PIP5K1C: variants seen among roughly 807,000 people sequenced by gnomAD.
PIP5K1C encodes the protein phosphatidylinositol 4-phosphate 5-kinase type-1 gamma.
Under a neutral mutation model 80.1 loss-of-function variants are expected in PIP5K1C, and 45 were observed. The observed-to-expected ratio is 0.56, with a 90% CI of 0.44 to 0.72. The LOEUF (loss-of-function observed/expected upper bound fraction) is 0.72, where lower values mean the gene tolerates loss of function less well. PIP5K1C is among the 30% of genes least tolerant of loss of function. The probability of loss-of-function intolerance (pLI) is 0.00; values close to 1 mark genes in which losing one functional copy is unlikely to be tolerated. For missense variants in PIP5K1C, 753 were observed against 954.6 expected (o/e 0.79, Z 2.78); for synonymous variants, 498 against 420.1 (o/e 1.19, Z -2.27).
At chr19:3,679,694 T>A (rs1326545124) in intron 1 of PIP5K1C, among the ~76,000 whole-genome samples, 1 of 152,092 alleles carries the variant, frequency 6.6e-6, no homozygotes, top group Non-Finnish European at 1.5e-5. Flanking sequence ...GGACCTGGGC[T>A]CAGGCACACA....
intron 1 of PIP5K1C, among the ~76,000 whole-genome samples, chr19:3,693,480 C>T (rs1011833693): frequency 1.3e-5 from 2 of 152,314 alleles, no homozygotes; most frequent in Middle Eastern, 3.4e-3. Flanking sequence ...GGCACCACCA[C>T]GGGCCCCGTC....
chr19:3,695,045 C>T (rs1466141763), intron 1 of PIP5K1C, among the ~76,000 whole-genome samples: 2 of 152,266 alleles, frequency 1.3e-5, no homozygotes, highest in African/African-American at 2.4e-5. Context: ...GCCAATAAAA[C>T]TTTGTTGACA....
intron 1 of PIP5K1C, among the ~76,000 whole-genome samples, chr19:3,676,191 G>A (rs921174755): frequency 2.0e-5 from 3 of 152,172 alleles, no homozygotes; most frequent in African/African-American, 4.8e-5. Flanking sequence ...GGCATGGTAG[G>A]CAATGGGGTC....
intron 11 of PIP5K1C, 84 bp from the exon 12 acceptor site, chr19:3,644,335 C>T: frequency 7.2e-7 from 1 of 1,392,960 alleles, no homozygotes; most frequent in South Asian, 1.2e-5. Context: ...CACATATACC[C>T]CACGTCCCTG....
chr19:3,659,930 G>T (rs1299293437), intron 5 of PIP5K1C, among the ~76,000 whole-genome samples: 1 of 152,228 alleles, frequency 6.6e-6, no homozygotes, highest in African/African-American at 2.4e-5. Flanking sequence ...CCGTGCTGTC[G>T]TGACAACCAG....
chr19:3,633,123 GAGC>G lies in PIP5K1C; in HGVS notation c.*41_*43del. 1.3e-6 allele frequency: 1 copy of G among 750,162 alleles called. No homozygotes were observed. The highest frequency in any genetic ancestry group is 2.5e-6 in the Non-Finnish European group (1 of 403,810). The allele number at this position is 750,162 out of a possible 1,614,324, so 46.5% of individuals were successfully genotyped here. On this transcript the variant is annotated 3_prime_UTR_variant, in exon 18 of 18. Transcript: ENST00000335312. ...TGGGCAGCGCCTTCGGGGGCAGCCG[GAGC>G]AGAAGTGGAGCTCGGCTCTGGGTCG...
At chr19:3,686,147 T>A in intron 1 of PIP5K1C, among the ~76,000 whole-genome samples, 1 of 152,206 alleles carries the variant, frequency 6.6e-6, no homozygotes, top group Non-Finnish European at 1.5e-5. Flanking sequence ...GCCACCGTAC[T>A]TAGACTAAAA....
intron 1 of PIP5K1C, among the ~76,000 whole-genome samples, chr19:3,684,240 A>G (rs2035683191): frequency 6.6e-6 from 1 of 152,046 alleles, no homozygotes; most frequent in Non-Finnish European, 1.5e-5. Flanking sequence ...TTTGCCTTAT[A>G]ATTAGAGGCA....
intron 1 of PIP5K1C, among the ~76,000 whole-genome samples, chr19:3,682,362 A>G (rs2035615329): frequency 6.9e-6 from 1 of 145,516 alleles, no homozygotes. Context: ...CAACAGAGCA[A>G]GACTCCATCT....
rs543277534 is a variant in PIP5K1C, at chr19:3,672,578, G to A, written c.95-5225C>T. 1.9e-4 allele frequency: 29 copies of A among 152,634 alleles called. No homozygotes were observed. In the South Asian group the frequency reaches 2.7e-3, roughly 14 times the overall value. The allele number at this position is 152,634 out of a possible 1,614,324, so 9.5% of individuals were successfully genotyped here. On this transcript the variant is annotated intron_variant, in intron 1 of 17. Coordinates refer to ENST00000335312, the MANE Select transcript of PIP5K1C (RefSeq NM_012398.3). ...AGGGAATGACTAAACTGGGGGAGGA[G>A]GCAGATTGTCAGGCTGGCTCTGCAG...
intron 1 of PIP5K1C, among the ~76,000 whole-genome samples, chr19:3,680,703 T>G (rs556049042): frequency 6.6e-6 from 1 of 152,234 alleles, no homozygotes; most frequent in Admixed American, 6.5e-5. Flanking sequence ...AAAAAACATC[T>G]TTTCTGTTTA....
At chr19:3,633,257 C>T (rs1599908157) in intron 17 of PIP5K1C, 88 bp from the exon 18 acceptor site, 1 of 706,322 alleles carries the variant, frequency 1.4e-6, no homozygotes, top group South Asian at 1.6e-5. Context: ...TGGGCCAACA[C>T]AGGCCCTGAG....
At chr19:3,664,576 C>T (rs950665301) in intron 3 of PIP5K1C, among the ~76,000 whole-genome samples, 2 of 152,186 alleles carry the variant, frequency 1.3e-5, no homozygotes, top group Admixed American at 6.5e-5. Flanking sequence ...GACTCAGAGC[C>T]GGGCAGGCGT....
At chr19:3,697,066 G>A (rs979205179) in intron 1 of PIP5K1C, among the ~76,000 whole-genome samples, 2 of 147,118 alleles carry the variant, frequency 1.4e-5, no homozygotes, top group Admixed American at 6.7e-5. Flanking sequence ...GGGGAGGACC[G>A]AGCTGGACCA....
Position 3,667,335 on chromosome 19 carries a change from G to A in PIP5K1C, c.113C>T (p.Ala38Val), listed in dbSNP as rs376295562. The change falls in exon 2 of 18, where the codon GCG becomes GTG. Residue 38 changes from alanine (A) to valine (V), a missense_variant. Coordinates refer to ENST00000335312, the MANE Select transcript of PIP5K1C (RefSeq NM_012398.3). ...CCAGACACTCACCTCTGTTGGGGCC[G>A]CCTTCTTCTGAGCCAAACCTGCAGA... ...GAAAGLAQKKAAPTEVLSMTA... is the reference protein window; with the variant it reads ...GAAAGLAQKKVAPTEVLSMTA... 136 of 1,612,740 alleles carry A rather than the reference G, an allele frequency of 8.4e-5. No homozygotes were observed. Among genetic ancestry groups the A allele is most frequent in the South Asian group, 2.7e-4 (25 of 91,056 alleles).
At chr19:3,653,259 C>T (rs1288908260) in intron 7 of PIP5K1C, 31 bp downstream of exon 7, 1 of 1,595,734 alleles carries the variant, frequency 6.3e-7, no homozygotes, top group African/African-American at 1.3e-5. Flanking sequence ...CACCTGCCAC[C>T]CTCCCTCCCC....
intron 15 of PIP5K1C, among the ~76,000 whole-genome samples, chr19:3,640,521 AAAT>A (rs937571057): frequency 8.5e-5 from 13 of 152,306 alleles, no homozygotes; most frequent in Admixed American, 5.2e-4. Flanking sequence ...GTCTCAAAGA[AAAT>A]AATAATAACA....
chr19:3,644,744 T>TG (rs1034471198), intron 11 of PIP5K1C, among the ~76,000 whole-genome samples: 12 of 152,142 alleles, frequency 7.9e-5, no homozygotes, highest in Admixed American at 4.6e-4. Flanking sequence ...CTCTGGGCCC[T>TG]GGGGGCCGAC....
At chr19:3,658,266 G>A (rs944737354) in intron 5 of PIP5K1C, among the ~76,000 whole-genome samples, 3 of 152,238 alleles carry the variant, frequency 2.0e-5, no homozygotes, top group African/African-American at 7.2e-5. Context: ...TCAGAACAGC[G>A]AGGGTCCTTC....
Sources: gnomAD v4.1 joint callset for allele counts (sites outside exome capture counted in the v4.1 genomes callset) on GRCh38, gnomAD v4.1.1 for gene constraint, MANE v1.5 for transcripts, NCBI Gene and HGNC (gene_info 2026-07-23, HGNC 2026-07-21) for gene names.